Variants in WNT2B observed in about 807,000 individuals in gnomAD.
The protein encoded by WNT2B is protein Wnt-2b.
A neutral mutation model predicts 40.5 loss-of-function variants in WNT2B; 19 were observed. The observed-to-expected ratio is 0.47, with a 90% CI of 0.33 to 0.69. The LOEUF (loss-of-function observed/expected upper bound fraction) is 0.69, where lower values mean the gene tolerates loss of function less well. Ranked by LOEUF, WNT2B falls within the 30% of genes least tolerant of loss-of-function variation. The pLI is 0.02. For synonymous variants in WNT2B, 220 were observed against 211.9 expected (o/e 1.04, Z -0.33); for missense variants, 467 against 556.4 (o/e 0.84, Z 1.62).
At chr1:112,474,789 AGC>A (rs1395048486) in intron 1 of WNT2B, among the ~76,000 whole-genome samples, 1 of 152,200 alleles carries the variant, frequency 6.6e-6, no homozygotes, top group African/African-American at 2.4e-5. Flanking sequence ...TTGGATCATG[AGC>A]ATGGATCCTT....
rs1420396477 is a variant in WNT2B at position 112,520,700 on chromosome 1, A to G, written c.*191A>G. The G allele has an allele frequency of 3.2e-6, 2 of 629,946 alleles. No homozygotes were observed. Among genetic ancestry groups the G allele is most frequent in the African/African-American group, 3.7e-5 (2 of 54,342 alleles). 39.0% of individuals were successfully genotyped at this position (629,946 alleles called of 1,614,324 possible). ...AGCCCTGGGAAGGAGTTGTCAGGGG[A>G]TATAAGAAACTGAGCAAGCTCCCTG... is the stretch of plus-strand genomic sequence containing the variant. On this transcript the variant is annotated 3_prime_UTR_variant, in exon 5 of 5. Coordinates refer to ENST00000369684, the MANE Select transcript of WNT2B (RefSeq NM_024494.3).
intron 1 of WNT2B, among the ~76,000 whole-genome samples, chr1:112,514,387 C>T (rs936620228): frequency 6.6e-6 from 1 of 152,172 alleles, no homozygotes; most frequent in East Asian, 1.9e-4. Flanking sequence ...TCTCTTCCCA[C>T]GAGCCCCTCC....
rs554278009 is a variant in WNT2B, at chr1:112,528,058, T to A, written c.*7549T>A. 30 of 152,238 alleles carry A rather than the reference T, an allele frequency of 2.0e-4. No individual in the cohort carries two copies. The highest frequency in any genetic ancestry group is 7.0e-4 in the African/African-American group (29 of 41,538). The allele number at this position is 152,238 out of a possible 1,614,324, so 9.4% of individuals were successfully genotyped here. On this transcript the variant is annotated 3_prime_UTR_variant, in exon 5 of 5. Transcript: ENST00000369684. The stretch of plus-strand genomic sequence containing the variant: ...AACAATTACAATAAAATGAAACAGT[T>A]TAATGGACTAGGAAGCAGAAGTCTG...
In WNT2B at chr1:112,520,626, G is replaced by C. The variant is rs757265581; in HGVS notation, c.*117G>C. On this transcript the variant is annotated 3_prime_UTR_variant, in exon 5 of 5. Coordinates refer to ENST00000369684, the MANE Select transcript of WNT2B (RefSeq NM_024494.3). ...CTGGGCTGCTACCGCTTCTATTTAA[G>C]GATGTAGAGAGTAATCCATAGGGAC... is the stretch of plus-strand genomic sequence containing the variant. 1 of 1,084,994 alleles carries C rather than the reference G, an allele frequency of 9.2e-7. No homozygotes were observed. The highest frequency in any genetic ancestry group is 1.6e-5 in the African/African-American group (1 of 63,592). 67.2% of individuals were successfully genotyped at this position (1,084,994 alleles called of 1,614,324 possible). A position where few individuals can be genotyped will look rare whatever the true frequency, so the allele number is the denominator to read the frequency against.
In WNT2B at chr1:112,520,333, G is replaced by T; in HGVS notation, c.1000G>T (p.Gly334Cys). The T allele has an allele frequency of 6.2e-7, 1 of 1,614,140 alleles. No homozygotes were observed. The highest frequency in any genetic ancestry group is 1.1e-5 in the South Asian group (1 of 91,068). ...VCSKTSKGTDGCEIMCCGRGY... is the reference protein window; with the variant it reads ...VCSKTSKGTDCCEIMCCGRGY... ...CAGCAAGACATCAAAAGGAACAGAC[G>T]GTTGTGAAATCATGTGCTGTGGCCG... Residue 334 changes from glycine (G) to cysteine (C), a missense_variant, in exon 5 of 5, where the codon GGT (glycine) becomes TGT (cysteine). Gly to Cys is a radical substitution (Grantham distance 159, BLOSUM62 -3). This residue lies in a region of WNT2B where 330 missense variants were observed against 438.6 expected (regional missense o/e 0.75). Transcript: ENST00000369684.
chr1:112,510,128 C>T (rs886201857), intron 1 of WNT2B, among the ~76,000 whole-genome samples: 1 of 152,138 alleles, frequency 6.6e-6, no homozygotes, highest in East Asian at 1.9e-4. Flanking sequence ...GCTGCGGAGT[C>T]CCAAGATACT....
chr1:112,520,054 G>A (rs1398192932), intron 4 of WNT2B, among the ~76,000 whole-genome samples: 1 of 147,112 alleles, frequency 6.8e-6, no homozygotes, highest in Admixed American at 7.0e-5. Flanking sequence ...TTAAGTTTTT[G>A]TAGAGACAGG....
At chr1:112,506,355 T>G (rs1652106598), upstream of WNT2B, among the ~76,000 whole-genome samples, 1 of 152,192 alleles carries the variant, frequency 6.6e-6, no homozygotes, top group South Asian at 2.1e-4. Flanking sequence ...ACAGTCCCAC[T>G]TGACTGTAAA....
intron 1 of WNT2B, among the ~76,000 whole-genome samples, chr1:112,471,206 C>G (rs1570758323): frequency 1.3e-5 from 2 of 152,294 alleles, no homozygotes; most frequent in East Asian, 3.9e-4. Context: ...AGCATGTGAC[C>G]CTGCATGAGT....
Position 112,526,006 on chromosome 1 carries a change from G to A in WNT2B, c.*5497G>A. The A allele has an allele frequency of 6.2e-7, 1 of 1,614,106 alleles. No homozygotes were observed. Among genetic ancestry groups the A allele is most frequent in the Non-Finnish European group, 8.5e-7 (1 of 1,179,974 alleles). ...ATTTGTCCAAGGTCACATGAACAGT[G>A]CGTGGCTCAGCCAGAACTCAAACCT... On this transcript the variant is annotated 3_prime_UTR_variant, in exon 5 of 5. Transcript: ENST00000369684.
upstream of WNT2B, among the ~76,000 whole-genome samples, chr1:112,505,802 G>A (rs1425146236): frequency 2.0e-5 from 3 of 152,150 alleles, no homozygotes; most frequent in African/African-American, 4.8e-5. Context: ...GGGGAACTGG[G>A]GACTCAGAGG....
In WNT2B at chr1:112,509,005, C is replaced by G. The variant is rs1386865389; in HGVS notation, c.-258C>G. The G allele has an allele frequency of 7.5e-7, 1 of 1,340,696 alleles. No homozygotes were observed. Among genetic ancestry groups the G allele is most frequent in the Non-Finnish European group, 9.5e-7 (1 of 1,054,906 alleles). 83.0% of individuals were successfully genotyped at this position (1,340,696 alleles called of 1,614,324 possible). A position where few individuals can be genotyped will look rare whatever the true frequency, so the allele number is the denominator to read the frequency against. Reference sequence around the variant, plus strand: ...AGCTCCCTTCAGCGCCGCAGACCCCCTGACACCGCACCCGGTCCTCAGGCA... The same window carrying G: ...AGCTCCCTTCAGCGCCGCAGACCCCGTGACACCGCACCCGGTCCTCAGGCA... On this transcript the variant is annotated 5_prime_UTR_variant, in exon 1 of 5. Transcript: ENST00000369684. The surrounding 1 kb of genome is among the most constrained non-coding windows in gnomAD (Gnocchi z 4.2).
upstream of WNT2B, among the ~76,000 whole-genome samples, chr1:112,508,508 T>C (rs1248445409): frequency 1.3e-5 from 2 of 151,956 alleles, no homozygotes; most frequent in Non-Finnish European, 2.9e-5. This position sits in a 1 kb window ranked among gnomAD's most constrained non-coding sequence, Gnocchi z 4.2. Context: ...AGTTAAGACC[T>C]CCAACTCCCG....
At chr1:112,488,755 C>T (rs1208983422) in intron 1 of WNT2B, among the ~76,000 whole-genome samples, 1 of 151,962 alleles carries the variant, frequency 6.6e-6, no homozygotes, top group Non-Finnish European at 1.5e-5. Flanking sequence ...AGGTTTTCAC[C>T]ATGTTAACCA....
upstream of WNT2B, among the ~76,000 whole-genome samples, chr1:112,507,612 C>T (rs1429481969): frequency 6.6e-6 from 1 of 152,214 alleles, no homozygotes; most frequent in Non-Finnish European, 1.5e-5. Context: ...GAGATGTCTG[C>T]AGCCAGCTGC....
Position 112,520,581 on chromosome 1 carries a change from A to G in WNT2B, c.*72A>G. 1.4e-6 allele frequency: 2 copies of G among 1,446,460 alleles called. No individual in the cohort carries two copies. The highest frequency in any genetic ancestry group is 9.5e-7 in the Non-Finnish European group (1 of 1,048,250). The allele number at this position is 1,446,460 out of a possible 1,614,324, so 89.6% of individuals were successfully genotyped here. ...AAAAGCACAAGATCCTTGCATGCAC[A>G]CCTTCCTCCACCCTCCACCCTGGGC... On this transcript the variant is annotated 3_prime_UTR_variant, in exon 5 of 5. Transcript: ENST00000369684.
intron 1 of WNT2B, among the ~76,000 whole-genome samples, chr1:112,487,925 C>T (rs1383534784): frequency 2.1e-5 from 2 of 96,636 alleles, no homozygotes; most frequent in South Asian, 4.2e-4. Context: ...CACAGAGAGG[C>T]TCTGACTCAA....
chr1:112,508,906 C>A, upstream of WNT2B: 1 of 1,068,812 alleles, frequency 9.4e-7, no homozygotes, highest in Non-Finnish European at 1.1e-6. This position sits in a 1 kb window ranked among gnomAD's most constrained non-coding sequence, Gnocchi z 4.2. Flanking sequence ...CGCGCGTGTC[C>A]CCGGCCTCGG....
At position 112,515,285 on chromosome 1, in the gene WNT2B, C is replaced by T. The variant is rs1483655445; in HGVS notation, c.403+191C>T. Among the ~76,000 whole-genome samples, 1 of 152,222 alleles carries T rather than the reference C, an allele frequency of 6.6e-6. No homozygotes were observed. Among genetic ancestry groups the T allele is most frequent in the Non-Finnish European group, 1.5e-5 (1 of 68,044 alleles). ...ATCTTAGATTTGTAGACAGGGGCTC[C>T]TCTAAATCTTAGTGCTCTGGGACAA... On this transcript the variant is annotated intron_variant, in intron 2 of 4. Transcript: ENST00000369684. This position sits in a 1 kb window ranked among gnomAD's most constrained non-coding sequence, Gnocchi z 4.4.
Sources: allele counts gnomAD v4.1 joint callset (sites outside exome capture counted in the v4.1 genomes callset), GRCh38; gene constraint gnomAD v4.1.1; regional missense constraint gnomAD v4.1.1; non-coding constraint Gnocchi (gnomAD v3.1); transcripts MANE v1.5; gene names NCBI Gene and HGNC (gene_info 2026-07-23, HGNC 2026-07-21).